The following PRKN variants were observed in gnomAD, a reference collection of about 807,000 sequenced individuals.
The protein encoded by PRKN is E3 ubiquitin-protein ligase parkin.
A neutral mutation model predicts 59.5 loss-of-function variants in PRKN; 56 were observed. The ratio of observed to expected loss-of-function variants is 0.94; its 90% confidence interval spans 0.76 to 1.18. The LOEUF (loss-of-function observed/expected upper bound fraction) is 1.18, where lower values mean the gene tolerates loss of function less well. Ranked by LOEUF, PRKN falls within the 50% of genes most tolerant of loss-of-function variation. The pLI, the probability that PRKN is intolerant of heterozygous loss-of-function variation, is 0.00. For missense variants in PRKN, 657 were observed against 596.4 expected (o/e 1.10, Z -1.06); for synonymous variants, 250 against 222.1 (o/e 1.13, Z -1.12).
rs971425241 is a variant in PRKN at position 161,552,252 on chromosome 6, G to C, written c.934-3249C>G. Among the ~76,000 whole-genome samples the C allele has an allele frequency of 6.6e-6, 1 of 151,802 alleles. No individual in the cohort carries two copies. The highest frequency in any genetic ancestry group is 1.5e-5 in the Non-Finnish European group (1 of 68,024). ...TGTAAAAGGAAGCGGGACATCTCTCGATCACCTCTGCCTATGACTGTGAAT... is the reference window on the plus strand; with the variant it reads ...TGTAAAAGGAAGCGGGACATCTCTCCATCACCTCTGCCTATGACTGTGAAT... On this transcript the variant is annotated intron_variant, in intron 8 of 11. Coordinates refer to ENST00000366898, the MANE Select transcript of PRKN (RefSeq NM_004562.3). This position sits in a 1 kb window ranked among gnomAD's most constrained non-coding sequence, Gnocchi z 4.9.
intron 2 of PRKN, chr6:162,267,133 C>G (rs998726505): frequency 6.6e-6 from 1 of 152,118 alleles, no homozygotes; most frequent in African/African-American, 2.4e-5. Context: ...GCTCAGGGTA[C>G]AGCTGCAAAG....
chr6:161,564,475 C>T (rs1050397152), intron 8 of PRKN, among the ~76,000 whole-genome samples: 7 of 152,306 alleles, frequency 4.6e-5, no homozygotes, highest in Middle Eastern at 6.8e-3. Context: ...CCTATGACTG[C>T]AATCTGCTTT....
Position 161,446,635 on chromosome 6 carries a change from GCCT to G in PRKN, c.1084-59761_1084-59759del, listed in dbSNP as rs2115107033. 6.6e-6 allele frequency among the ~76,000 whole-genome samples: 1 copy of G among 152,214 alleles called. No individual in the cohort carries two copies. The highest frequency in any genetic ancestry group is 2.1e-4 in the South Asian group (1 of 4,826). On this transcript the variant is annotated intron_variant, in intron 9 of 11. Coordinates refer to ENST00000366898, the MANE Select transcript of PRKN (RefSeq NM_004562.3). The surrounding 1 kb of genome is among the most constrained non-coding windows in gnomAD (Gnocchi z 6.2). ...TACTTTAAGATTGAAACTAAATGCA[GCCT>G]CTTTTCTACCCATGATTTATTAGAC...
chr6:161,386,179 TGAC>T lies in PRKN; in HGVS notation c.1167+612_1167+614del, dbSNP rs569608148. ...TAATGAGCAAATTCATCTACTGTGA[TGAC>T]GTTTTTACTCTTTTTCCCTGAAGGT... On this transcript the variant is annotated intron_variant, in intron 10 of 11. Coordinates refer to ENST00000366898, the MANE Select transcript of PRKN (RefSeq NM_004562.3). The surrounding 1 kb of genome is among the most constrained non-coding windows in gnomAD (Gnocchi z 4.3). Among the ~76,000 whole-genome samples, 121 of 152,344 alleles carry T rather than the reference TGAC, an allele frequency of 7.9e-4. 2 individuals carry two copies. Among genetic ancestry groups the T allele is most frequent in the African/African-American group, 2.9e-3 (120 of 41,584 alleles).
At chr6:161,511,935 C>T (rs1204332794) in intron 9 of PRKN, among the ~76,000 whole-genome samples, 1 of 152,186 alleles carries the variant, frequency 6.6e-6, no homozygotes, top group East Asian at 1.9e-4. Context: ...CGCGGGAAGG[C>T]TAGACTTGCT....
In PRKN at chr6:162,694,401, G is replaced by C. The variant is rs1777897772; in HGVS notation, c.7+33261C>G. On this transcript the variant is annotated intron_variant, in intron 1 of 11. Coordinates refer to ENST00000366898, the MANE Select transcript of PRKN (RefSeq NM_004562.3). The stretch of plus-strand genomic sequence containing the variant: ...AGAATGCGAGGCCTTCAGAAGCAGA[G>C]CTAAATATGAGGAGTAGCACACACA... Among the ~76,000 whole-genome samples, 6 of 152,282 alleles carry C rather than the reference G, an allele frequency of 3.9e-5. No homozygotes were observed. The South Asian group carries it at 1.2e-3, about 32-fold the overall frequency.
intron 1 of PRKN, among the ~76,000 whole-genome samples, chr6:162,485,785 C>T (rs1419112272): frequency 6.6e-6 from 1 of 152,142 alleles, no homozygotes; most frequent in Non-Finnish European, 1.5e-5. Context: ...TGCACAGACA[C>T]AGGTGATTGA....
chr6:162,495,348 T>C (rs1039338317), intron 1 of PRKN, among the ~76,000 whole-genome samples: 1 of 152,230 alleles, frequency 6.6e-6, no homozygotes, highest in East Asian at 1.9e-4. Context: ...TCAGGCTTTC[T>C]GATCTGTACA....
intron 7 of PRKN, among the ~76,000 whole-genome samples, chr6:161,630,399 C>T (rs944792337): frequency 6.6e-6 from 1 of 151,944 alleles, no homozygotes; most frequent in African/African-American, 2.4e-5. Flanking sequence ...ACGGTATGTC[C>T]CCAATAAATG....
rs987908458 is a variant in PRKN, at chr6:161,355,702, G to A, written c.1285+4386C>T. On this transcript the variant is annotated intron_variant, in intron 11 of 11. Coordinates refer to ENST00000366898, the MANE Select transcript of PRKN (RefSeq NM_004562.3). This position sits in a 1 kb window ranked among gnomAD's most constrained non-coding sequence, Gnocchi z 6.8. ...ATTACAGGCGTGAGTCACCACGCCCGGCCTACAAGCTAAGTTTTAATTCAG... is the reference window on the plus strand; with the variant it reads ...ATTACAGGCGTGAGTCACCACGCCCAGCCTACAAGCTAAGTTTTAATTCAG... Among the ~76,000 whole-genome samples the A allele has an allele frequency of 6.6e-5, 10 of 151,970 alleles. 1 individual carries two copies. Among genetic ancestry groups the A allele is most frequent in the Admixed American group, 3.9e-4 (6 of 15,268 alleles).
At chr6:161,841,385 T>C (rs1792980452) in intron 6 of PRKN, among the ~76,000 whole-genome samples, 7 of 151,658 alleles carry the variant, frequency 4.6e-5, no homozygotes, top group Admixed American at 2.6e-4. Flanking sequence ...GGTCTCACTC[T>C]GTTGCCCAGG....
In PRKN at chr6:161,562,855, A is replaced by T. The variant is rs945584584; in HGVS notation, c.933+6500T>A. The stretch of plus-strand genomic sequence containing the variant: ...TATTGCAACAAGATTGACATACTCA[A>T]AATGTAATTTGGATAATGCTAACCC... On this transcript the variant is annotated intron_variant, in intron 8 of 11. Transcript: ENST00000366898. This position sits in a 1 kb window ranked among gnomAD's most constrained non-coding sequence, Gnocchi z 4.3. 1.3e-5 allele frequency among the ~76,000 whole-genome samples: 2 copies of T among 152,206 alleles called. No individual in the cohort carries two copies. The highest frequency in any genetic ancestry group is 2.4e-5 in the African/African-American group (1 of 41,442).
intron 1 of PRKN, among the ~76,000 whole-genome samples, chr6:162,623,222 G>C (rs1334306427): frequency 6.6e-6 from 1 of 152,148 alleles, no homozygotes; most frequent in Non-Finnish European, 1.5e-5. Context: ...TTTTGAGAAT[G>C]ATTCATGTAG....
chr6:161,692,653 T>A (rs1280500689), intron 7 of PRKN, among the ~76,000 whole-genome samples: 1 of 152,190 alleles, frequency 6.6e-6, no homozygotes, highest in Admixed American at 6.5e-5. Context: ...ACGCCTGCAA[T>A]CCCAGCACTG....
chr6:162,012,387 T>G (rs1485199179), intron 5 of PRKN, among the ~76,000 whole-genome samples: 1 of 152,008 alleles, frequency 6.6e-6, no homozygotes, highest in East Asian at 1.9e-4. Flanking sequence ...AACAAGTAAA[T>G]GCAAAGTAAA....
Position 161,467,699 on chromosome 6 carries a change from T to G in PRKN, c.1084-80822A>C, listed in dbSNP as rs1312252130. On this transcript the variant is annotated intron_variant, in intron 9 of 11. Transcript: ENST00000366898. The surrounding 1 kb of genome is among the most constrained non-coding windows in gnomAD (Gnocchi z 4.3). ...GCTGCAAATGCCTGCCCAATATTCA[T>G]GTTCCTCTTCTTCCTCAGTAACAGA... Among the ~76,000 whole-genome samples the G allele has an allele frequency of 6.6e-6, 1 of 152,184 alleles. No homozygotes were observed. The highest frequency in any genetic ancestry group is 2.4e-5 in the African/African-American group (1 of 41,442).
intron 1 of PRKN, among the ~76,000 whole-genome samples, chr6:162,462,629 T>C (rs542784503): frequency 6.6e-6 from 1 of 152,254 alleles, no homozygotes; most frequent in Admixed American, 6.5e-5. Context: ...TCACAAATTG[T>C]TCTACAAGTC....
At chr6:162,207,783 T>C (rs1314502705) in intron 3 of PRKN, among the ~76,000 whole-genome samples, 1 of 152,162 alleles carries the variant, frequency 6.6e-6, no homozygotes, top group Non-Finnish European at 1.5e-5. Flanking sequence ...TTCACTCTAT[T>C]TCATATGCTC....
At chr6:161,827,207 G>A (rs1356592200) in intron 6 of PRKN, among the ~76,000 whole-genome samples, 4 of 152,130 alleles carry the variant, frequency 2.6e-5, no homozygotes, top group African/African-American at 9.7e-5. Context: ...CAGTGAGCAC[G>A]AGCTATGGAA....
Sources: gnomAD v4.1 joint callset for allele counts (sites outside exome capture counted in the v4.1 genomes callset) on GRCh38, gnomAD v4.1.1 for gene constraint, Gnocchi (gnomAD v3.1) non-coding constraint, MANE v1.5 for transcripts, NCBI Gene and HGNC (gene_info 2026-07-23, HGNC 2026-07-21) for gene names.